The following STX8 variants were observed in gnomAD, a reference collection of about 807,000 sequenced individuals.
STX8 encodes the protein syntaxin-8.
STX8 carries 23 observed loss-of-function variants against 37.5 expected under a neutral mutation model. The ratio of observed to expected loss-of-function variants is 0.61; its 90% CI spans 0.44 to 0.87. The LOEUF is 0.87. STX8 is among the 40% of genes least tolerant of loss of function. The pLI is 0.00. For missense variants in STX8, 313 were observed against 284.7 expected (o/e 1.10, Z -0.71); for synonymous variants, 115 against 99.1 (o/e 1.16, Z -0.95).
intron 4 of STX8, among the ~76,000 whole-genome samples, chr17:9,509,401 G>GA (rs147670415): frequency 0.068 from 10,030 of 148,242 alleles, 1,100 homozygotes; most frequent in African/African-American, 0.23. Context: ...AGTACTAAAA[G>GA]AAAAAAAAAA....
chr17:9,455,315 C>T (rs575043720), intron 6 of STX8, among the ~76,000 whole-genome samples: 14 of 151,930 alleles, frequency 9.2e-5, no homozygotes, highest in Non-Finnish European at 1.5e-4. Flanking sequence ...CTGCCTAACA[C>T]GGTGAAACCC....
At chr17:9,338,271 C>T (rs2142227175) in intron 7 of STX8, among the ~76,000 whole-genome samples, 1 of 152,128 alleles carries the variant, frequency 6.6e-6, no homozygotes. Context: ...CCAGGCTGGT[C>T]TCAAACTCCT....
chr17:9,437,582 C>G (rs1904480781), intron 6 of STX8, among the ~76,000 whole-genome samples: 1 of 152,206 alleles, frequency 6.6e-6, no homozygotes, highest in Non-Finnish European at 1.5e-5. Context: ...CACATTTACT[C>G]TTTATGAGTT....
At chr17:9,421,546 T>C (rs1210875375) in intron 6 of STX8, among the ~76,000 whole-genome samples, 23 of 152,006 alleles carry the variant, frequency 1.5e-4, no homozygotes, top group Non-Finnish European at 1.5e-5. Context: ...GGCTGCTTTA[T>C]CCTTTCCCCT....
At chr17:9,345,358 C>T (rs548382701) in intron 7 of STX8, among the ~76,000 whole-genome samples, 1 of 152,184 alleles carries the variant, frequency 6.6e-6, no homozygotes, top group Admixed American at 6.5e-5. Flanking sequence ...CCACAATGGC[C>T]AGGCTGGTCT....
chr17:9,485,584 TTTTTTGG>T (rs1311909065), intron 6 of STX8, among the ~76,000 whole-genome samples: 17 of 123,458 alleles, frequency 1.4e-4, no homozygotes, highest in Non-Finnish European at 2.0e-4. Flanking sequence ...TGTTTTTTTG[TTTTTTGG>T]TTTTTTTTTT....
In STX8 at chr17:9,530,310, C is replaced by CA. The variant is rs10549885; in HGVS notation, c.323+14861dup. 3.0e-4 allele frequency among the ~76,000 whole-genome samples: 36 copies of CA among 119,866 alleles called. 1 individual carries two copies. The highest frequency in any genetic ancestry group is 9.6e-4 in the African/African-American group (32 of 33,406). 78.6% of individuals were successfully genotyped at this position (119,866 alleles called of 152,430 possible). ...TGGGAGACAGAGTGAGACTCCGTCT[C>CA]AAAAAAAAAAAAAAAAAACAGCACT... On this transcript the variant is annotated intron_variant, in intron 4 of 7. Coordinates refer to ENST00000306357, the MANE Select transcript of STX8 (RefSeq NM_004853.3).
At chr17:9,301,724 C>T (rs954971977) in intron 7 of STX8, among the ~76,000 whole-genome samples, 1 of 151,764 alleles carries the variant, frequency 6.6e-6, no homozygotes, top group Non-Finnish European at 1.5e-5. Context: ...GATCTGACCT[C>T]GTGATCCGTC....
intron 7 of STX8, among the ~76,000 whole-genome samples, chr17:9,297,710 T>C (rs1233843288): frequency 6.6e-6 from 1 of 151,924 alleles, no homozygotes; most frequent in African/African-American, 2.4e-5. Context: ...TCTAAAGAAA[T>C]AAAAATAACA....
intron 6 of STX8, chr17:9,464,820 T>C (rs1905541991): frequency 6.6e-6 from 1 of 151,434 alleles, no homozygotes; most frequent in South Asian, 2.1e-4. Flanking sequence ...CCTCCTGGAT[T>C]CAAGAAATTC....
At chr17:9,388,819 A>G (rs868070450) in intron 6 of STX8, among the ~76,000 whole-genome samples, 161 of 152,056 alleles carry the variant, frequency 1.1e-3, no homozygotes, top group African/African-American at 3.5e-3. Context: ...AAAGAAAAAA[A>G]AAAAAAAAAA....
intron 7 of STX8, among the ~76,000 whole-genome samples, chr17:9,291,384 T>C (rs1908306972): frequency 6.9e-6 from 1 of 143,888 alleles, no homozygotes; most frequent in Non-Finnish European, 1.5e-5. Flanking sequence ...GAAGCTGCAG[T>C]GAGCCATGAT....
intron 6 of STX8, among the ~76,000 whole-genome samples, chr17:9,457,541 T>G (rs1905216755): frequency 6.6e-6 from 1 of 152,254 alleles, no homozygotes; most frequent in Non-Finnish European, 1.5e-5. Context: ...TTAGCACATC[T>G]GCAAAGTCTC....
At position 9,502,983 on chromosome 17, in the gene STX8, G is replaced by A. The variant is rs140193722; in HGVS notation, c.448+2055C>T. On this transcript the variant is annotated intron_variant, in intron 5 of 7. Transcript: ENST00000306357. ...TAGCTGGGCATGATGGCGGGCGCCC[G>A]TAATCCCAGCCACTCGGGAAGCTGA... 1.3e-3 allele frequency among the ~76,000 whole-genome samples: 190 copies of A among 151,354 alleles called. 1 individual carries two copies. The highest frequency in any genetic ancestry group is 4.3e-3 in the African/African-American group (177 of 41,310).
chr17:9,544,167 C>T (rs983934175), intron 4 of STX8, among the ~76,000 whole-genome samples: 1 of 152,168 alleles, frequency 6.6e-6, no homozygotes, highest in African/African-American at 2.4e-5. Context: ...CTCCTCTCCA[C>T]GATAAATGCA....
At chr17:9,304,624 CA>C (rs1908905234) in intron 7 of STX8, among the ~76,000 whole-genome samples, 3 of 151,414 alleles carry the variant, frequency 2.0e-5, no homozygotes. Context: ...CTGACCTACA[CA>C]AATGGTAATT....
intron 7 of STX8, among the ~76,000 whole-genome samples, chr17:9,360,264 C>T (rs1911020119): frequency 1.8e-5 from 2 of 112,682 alleles, no homozygotes; most frequent in South Asian, 6.3e-4. Context: ...GTCAGAGTCT[C>T]ACTCTTGTAG....
At chr17:9,250,897 G>C (rs573084430) in intron 7 of STX8, among the ~76,000 whole-genome samples, 3 of 152,200 alleles carry the variant, frequency 2.0e-5, no homozygotes, top group East Asian at 3.9e-4. Context: ...AAGCCAGGAG[G>C]GGGTGAGGCC....
chr17:9,538,526 A>C (rs558009873), intron 4 of STX8, among the ~76,000 whole-genome samples: 1 of 152,372 alleles, frequency 6.6e-6, no homozygotes, highest in East Asian at 1.9e-4. Context: ...GGCTACCGAT[A>C]TACTGATATG....
Sources: allele counts gnomAD v4.1 joint callset (sites outside exome capture counted in the v4.1 genomes callset), GRCh38; gene constraint gnomAD v4.1.1; transcripts MANE v1.5; gene names NCBI Gene and HGNC (gene_info 2026-07-23, HGNC 2026-07-21).